The following SUMF1 variants were observed in gnomAD, a reference collection of about 807,000 sequenced individuals.
The protein encoded by SUMF1 is sulfatase modifying factor 1, also known as formylglycine-generating enzyme.
Under a neutral mutation model 47.6 loss-of-function variants are expected in SUMF1, and 48 were observed. The observed-to-expected ratio is 1.01, with a 90% confidence interval of 0.80 to 1.28. SUMF1 has a LOEUF of 1.28. SUMF1 is among the 50% of genes most tolerant of loss of function. The pLI, the probability that SUMF1 is intolerant of heterozygous loss-of-function variation, is 0.00. For synonymous variants in SUMF1, 230 were observed against 192.1 expected (o/e 1.20, Z -1.63); for missense variants, 571 against 485.4 (o/e 1.18, Z -1.66).
At chr3:4,038,538 A>C (rs1203760978) in intron 9 of SUMF1, among the ~76,000 whole-genome samples, 1 of 152,020 alleles carries the variant, frequency 6.6e-6, no homozygotes, top group Admixed American at 6.5e-5. Flanking sequence ...TGTTGCCCAG[A>C]GTGTTCAGCC....
At chr3:4,266,454 T>G (rs1697196867) in intron 8 of SUMF1, among the ~76,000 whole-genome samples, 1 of 152,188 alleles carries the variant, frequency 6.6e-6, no homozygotes, top group African/African-American at 2.4e-5. Context: ...ACATCCCTTG[T>G]AAGTTGGATT....
At chr3:4,136,973 C>T (rs1354657005) in intron 8 of SUMF1, among the ~76,000 whole-genome samples, 1 of 152,098 alleles carries the variant, frequency 6.6e-6, no homozygotes, top group East Asian at 1.9e-4. Context: ...CAAGAAACAA[C>T]AGATGCCGGA....
At chr3:4,189,650 G>T (rs1055902277) in intron 8 of SUMF1, among the ~76,000 whole-genome samples, 11 of 151,996 alleles carry the variant, frequency 7.2e-5, no homozygotes, top group Admixed American at 6.6e-4. Context: ...AAAAAGTAGG[G>T]CAAGAGAACA....
chr3:4,221,805 T>C (rs906355893), intron 8 of SUMF1, among the ~76,000 whole-genome samples: 30 of 152,202 alleles, frequency 2.0e-4, no homozygotes, highest in African/African-American at 6.3e-4. Flanking sequence ...ATATATAGTA[T>C]ACATATATGT....
chr3:4,066,316 T>A (rs992741958), intron 9 of SUMF1, among the ~76,000 whole-genome samples: 2 of 152,204 alleles, frequency 1.3e-5, no homozygotes, highest in East Asian at 3.9e-4. Context: ...AAAACGATCT[T>A]TTTTCATGAA....
chr3:4,419,895 G>T (rs1701834368), intron 4 of SUMF1, among the ~76,000 whole-genome samples, 169 bp downstream of exon 4: 1 of 152,078 alleles, frequency 6.6e-6, no homozygotes, highest in Non-Finnish European at 1.5e-5. Context: ...GCAGTGTTTG[G>T]GTCTTTACAT....
chr3:4,147,594 C>G (rs978335062), intron 8 of SUMF1, among the ~76,000 whole-genome samples: 1 of 152,102 alleles, frequency 6.6e-6, no homozygotes, highest in Non-Finnish European at 1.5e-5. Flanking sequence ...TGGTCTTTTT[C>G]TAGCCATTTT....
intron 9 of SUMF1, among the ~76,000 whole-genome samples, chr3:4,050,922 A>G (rs1695100140): frequency 6.6e-6 from 1 of 151,914 alleles, no homozygotes; most frequent in Non-Finnish European, 1.5e-5. Context: ...TTAGAAATGT[A>G]AGAAAATTTA....
chr3:4,110,856 G>T (rs1462191454), intron 8 of SUMF1, among the ~76,000 whole-genome samples: 4 of 108,492 alleles, frequency 3.7e-5, no homozygotes, highest in Admixed American at 2.3e-4. Flanking sequence ...GGTGGGGGGA[G>T]GGGGGAGGGA....
chr3:4,250,594 G>C (rs1696779351), intron 8 of SUMF1, among the ~76,000 whole-genome samples: 1 of 152,138 alleles, frequency 6.6e-6, no homozygotes, highest in South Asian at 2.1e-4. Flanking sequence ...GAGAGGAAAA[G>C]TCAATGCCTG....
chr3:4,381,573 C>A lies in SUMF1; in HGVS notation c.955-5184G>T, dbSNP rs188382206. ...TAAGCACCCACTACAAAGAATGAGG[C>A]ACTTCTGTATGTGTACACTTTACTA... On this transcript the variant is annotated intron_variant, in intron 7 of 8. Coordinates refer to ENST00000272902, the MANE Select transcript of SUMF1 (RefSeq NM_182760.4). 8.3e-4 allele frequency among the ~76,000 whole-genome samples: 127 copies of A among 152,338 alleles called. 1 individual carries two copies. Among genetic ancestry groups the A allele is most frequent in the African/African-American group, 2.9e-3 (121 of 41,584 alleles).
At chr3:4,462,446 T>A (rs777114456) in intron 1 of SUMF1, among the ~76,000 whole-genome samples, 3 of 152,188 alleles carry the variant, frequency 2.0e-5, no homozygotes, top group Non-Finnish European at 4.4e-5. Flanking sequence ...AGGCCCTGTA[T>A]CCAGGTGTGT....
chr3:4,235,687 G>A (rs779274129), intron 8 of SUMF1, among the ~76,000 whole-genome samples: 23 of 152,064 alleles, frequency 1.5e-4, no homozygotes, highest in Admixed American at 5.9e-4. Context: ...CATTCCTAGA[G>A]AACCTCATGC....
intron 8 of SUMF1, among the ~76,000 whole-genome samples, chr3:4,321,272 T>C (rs73809511): frequency 0.024 from 3,574 of 151,914 alleles, 129 homozygotes; most frequent in African/African-American, 0.077. Context: ...TTTCCTTTCT[T>C]TGTCAGCTCA....
At chr3:4,139,697 C>T (rs1023213600) in intron 8 of SUMF1, among the ~76,000 whole-genome samples, 1 of 151,590 alleles carries the variant, frequency 6.6e-6, no homozygotes, top group Non-Finnish European at 1.5e-5. Context: ...AGTCATATGG[C>T]AAACAATTGC....
At chr3:4,399,135 C>T (rs192324942) in intron 7 of SUMF1, among the ~76,000 whole-genome samples, 105 of 152,210 alleles carry the variant, frequency 6.9e-4, no homozygotes, top group Non-Finnish European at 1.2e-3. Flanking sequence ...GTGAACACTT[C>T]GAGCTCTTCA....
At chr3:4,322,918 A>T (rs1698866708) in intron 8 of SUMF1, among the ~76,000 whole-genome samples, 1 of 151,986 alleles carries the variant, frequency 6.6e-6, no homozygotes, top group Non-Finnish European at 1.5e-5. Flanking sequence ...ATGCTGTCTT[A>T]AAAAAAAGTA....
chr3:4,184,220 C>G (rs1695154187), intron 8 of SUMF1, among the ~76,000 whole-genome samples: 1 of 151,706 alleles, frequency 6.6e-6, no homozygotes, highest in African/African-American at 2.4e-5. Flanking sequence ...CTTTTGGAGG[C>G]TGAGGTGGGC....
At chr3:4,403,223 C>G (rs1383960300) in intron 7 of SUMF1, among the ~76,000 whole-genome samples, 1 of 152,226 alleles carries the variant, frequency 6.6e-6, no homozygotes, top group Non-Finnish European at 1.5e-5. Context: ...TGCACAGGGT[C>G]ACACATCTGG....
Sources: gnomAD v4.1 joint callset for allele counts (sites outside exome capture counted in the v4.1 genomes callset) on GRCh38, gnomAD v4.1.1 for gene constraint, MANE v1.5 for transcripts, NCBI Gene and HGNC (gene_info 2026-07-23, HGNC 2026-07-21) for gene names.